The following MPP7 variants were observed in gnomAD, a reference collection of about 807,000 sequenced individuals.
The protein encoded by MPP7 is MAGUK p55 scaffold protein 7.
MPP7 carries 60 observed loss-of-function variants against 76.5 expected under a neutral mutation model. That is an observed-to-expected ratio of 0.78 (90% CI 0.64 to 0.97). The LOEUF (loss-of-function observed/expected upper bound fraction) is 0.97. Ranked by LOEUF, MPP7 falls within the 50% of genes least tolerant of loss-of-function variation. The pLI is 0.00. For missense variants in MPP7, 641 were observed against 694.0 expected, an observed-to-expected ratio of 0.92 and a Z score of 0.86; for synonymous variants, 237 against 244.5, an observed-to-expected ratio of 0.97 and a Z score of 0.29.
intron 2 of MPP7, chr10:28,203,072 T>A (rs1430907160): frequency 6.6e-6 from 1 of 152,156 alleles, no homozygotes; most frequent in African/African-American, 2.4e-5. Flanking sequence ...CCGAGACTCT[T>A]TAGGGAGGTG....
At chr10:28,180,849 C>G (rs1276741374) in intron 3 of MPP7, among the ~76,000 whole-genome samples, 1 of 152,140 alleles carries the variant, frequency 6.6e-6, no homozygotes, top group East Asian at 1.9e-4. Flanking sequence ...GGCTTCTGCC[C>G]AGCGGTGACA....
At chr10:28,119,521 C>T (rs1316072520) in intron 11 of MPP7, 130 bp downstream of exon 11, 7 of 671,080 alleles carry the variant, frequency 1.0e-5, no homozygotes, top group Non-Finnish European at 1.6e-5. Context: ...TTTGTTTGTT[C>T]CTGAGAACTG....
intron 16 of MPP7, among the ~76,000 whole-genome samples, chr10:28,055,651 C>T (rs1217049571): frequency 6.6e-6 from 1 of 152,054 alleles, no homozygotes; most frequent in African/African-American, 2.4e-5. Flanking sequence ...TTATCCTATA[C>T]CCAAAATAGT....
intron 1 of MPP7, among the ~76,000 whole-genome samples, chr10:28,261,360 C>T (rs111693518): frequency 6.6e-6 from 1 of 152,178 alleles, no homozygotes; most frequent in Non-Finnish European, 1.5e-5. Context: ...CTTTGCGCTC[C>T]ACTGGCCAGT....
chr10:28,291,612 C>CAA (rs1021431460), intron 1 of MPP7, among the ~76,000 whole-genome samples: 1 of 143,930 alleles, frequency 6.9e-6, no homozygotes, highest in Non-Finnish European at 1.5e-5. Flanking sequence ...GACACTGTCT[C>CAA]AAAAAAAAAA....
At chr10:28,059,395 C>A in intron 14 of MPP7, 1 of 356,244 alleles carries the variant, frequency 2.8e-6, no homozygotes, top group Non-Finnish European at 5.0e-6. Flanking sequence ...CAGAATAAGA[C>A]ACTTGCAACC....
chr10:28,122,469 G>C (rs1834873028), intron 8 of MPP7, among the ~76,000 whole-genome samples: 1 of 152,114 alleles, frequency 6.6e-6, no homozygotes, highest in Non-Finnish European at 1.5e-5. Flanking sequence ...TTAAAATTTT[G>C]ATAGTTTCAG....
At chr10:28,173,919 T>C (rs995771052) in intron 3 of MPP7, among the ~76,000 whole-genome samples, 4 of 152,168 alleles carry the variant, frequency 2.6e-5, no homozygotes, top group African/African-American at 9.7e-5. Flanking sequence ...ATCATCAAAA[T>C]GCCAACAGAT....
At chr10:28,219,878 T>C (rs1023831136) in intron 2 of MPP7, among the ~76,000 whole-genome samples, 5 of 152,104 alleles carry the variant, frequency 3.3e-5, no homozygotes, top group African/African-American at 1.2e-4. Flanking sequence ...TTCGGTGCCA[T>C]TCATAACAGG....
chr10:28,175,139 A>C (rs1161742068), intron 3 of MPP7, among the ~76,000 whole-genome samples: 1 of 151,994 alleles, frequency 6.6e-6, no homozygotes, highest in Non-Finnish European at 1.5e-5. Context: ...AAAATCCATA[A>C]ATCAGTTGGG....
intron 2 of MPP7, among the ~76,000 whole-genome samples, chr10:28,311,759 TACAC>T (rs112717112): frequency 1.2e-3 from 174 of 148,680 alleles, no homozygotes; most frequent in South Asian, 9.4e-3. Context: ...GATGTGTTAA[TACAC>T]ACACACACAC....
chr10:28,152,440 T>A (rs1409878733), intron 3 of MPP7, among the ~76,000 whole-genome samples: 1 of 152,200 alleles, frequency 6.6e-6, no homozygotes, highest in African/African-American at 2.4e-5. Flanking sequence ...TTTTTATTAC[T>A]ATTTATGATA....
chr10:28,208,976 G>C (rs909161811), intron 2 of MPP7, among the ~76,000 whole-genome samples: 2 of 152,014 alleles, frequency 1.3e-5, no homozygotes, highest in African/African-American at 4.8e-5. Context: ...GTTGTAGTGA[G>C]ACCTGTTTGT....
Position 28,056,628 on chromosome 10 carries a change from A to G in MPP7, c.1408-5T>C, listed in dbSNP as rs1183590789. The G allele has an allele frequency of 6.5e-7, 1 of 1,542,562 alleles. No individual in the cohort carries two copies. Among genetic ancestry groups the G allele is most frequent in the Non-Finnish European group, 8.7e-7 (1 of 1,155,846 alleles). ...TGTCCTTAAATGCTTCACTGTCTAC[A>G]AGGAAGAAAAGAAAGTTTTCTCACA... On this transcript the variant is annotated splice_polypyrimidine_tract_variant and splice_region_variant and intron_variant, in intron 15 of 16. Transcript: ENST00000683449.
intron 2 of MPP7, among the ~76,000 whole-genome samples, chr10:28,315,870 AG>A (rs1483455089): frequency 6.6e-6 from 1 of 152,126 alleles, no homozygotes; most frequent in East Asian, 1.9e-4. Flanking sequence ...CAACATCAAC[AG>A]TGATGAGAAG....
At chr10:28,208,429 C>T (rs955612830) in intron 2 of MPP7, among the ~76,000 whole-genome samples, 2 of 152,116 alleles carry the variant, frequency 1.3e-5, no homozygotes, top group African/African-American at 4.8e-5. Context: ...GCAAACACCC[C>T]CTCCAGTACA....
intron 2 of MPP7, among the ~76,000 whole-genome samples, chr10:28,211,699 G>A (rs2134021116): frequency 6.6e-6 from 1 of 152,086 alleles, no homozygotes; most frequent in South Asian, 2.1e-4. Context: ...TAATAAGATT[G>A]CATTATCTTT....
intron 13 of MPP7, among the ~76,000 whole-genome samples, chr10:28,066,084 A>G (rs1254676807): frequency 6.6e-6 from 1 of 152,168 alleles, no homozygotes; most frequent in African/African-American, 2.4e-5. Context: ...AATTTCCCAC[A>G]GGCTGGGCAT....
chr10:28,304,625 G>A (rs910187693), upstream of MPP7, among the ~76,000 whole-genome samples: 15 of 152,082 alleles, frequency 9.9e-5, no homozygotes, highest in Non-Finnish European at 1.0e-4. Flanking sequence ...CTAAAAATAC[G>A]TGTCCTAAAG....
Sources: gnomAD v4.1 joint callset for allele counts (sites outside exome capture counted in the v4.1 genomes callset) on GRCh38, gnomAD v4.1.1 for gene constraint, MANE v1.5 for transcripts, NCBI Gene and HGNC (gene_info 2026-07-23, HGNC 2026-07-21) for gene names.